The following DLG2 variants were observed in gnomAD, a reference collection of about 807,000 sequenced individuals.
DLG2 encodes disks large homolog 2.
In DLG2, 45 loss-of-function variants were observed where a neutral mutation model predicts 132.5. The observed-to-expected ratio is 0.34, with a 90% CI of 0.27 to 0.44. The LOEUF is 0.44. DLG2 is among the 20% of genes least tolerant of loss of function. The pLI, the probability that DLG2 is intolerant of heterozygous loss-of-function variation, is 1.00. For missense variants in DLG2, 1,045 were observed against 1,196.9 expected (o/e 0.87, Z 1.87); for synonymous variants, 424 against 419.6 (o/e 1.01, Z -0.13).
chr11:84,818,726 T>A (rs1361180547), intron 6 of DLG2, among the ~76,000 whole-genome samples: 1 of 151,922 alleles, frequency 6.6e-6, no homozygotes, highest in Non-Finnish European at 1.5e-5. Flanking sequence ...TCACTGTGTA[T>A]TTTAATCCTA....
intron 14 of DLG2, among the ~76,000 whole-genome samples, chr11:83,961,651 T>G (rs896962203): frequency 6.6e-6 from 1 of 151,996 alleles, no homozygotes; most frequent in Non-Finnish European, 1.5e-5. Context: ...TAATTCGCTA[T>G]GGGGCCTAGT....
chr11:84,918,944 T>A (rs1291924045), intron 6 of DLG2, among the ~76,000 whole-genome samples: 1 of 152,180 alleles, frequency 6.6e-6, no homozygotes, highest in Non-Finnish European at 1.5e-5. Context: ...TTGTTCTTTG[T>A]GCTGATGATA....
chr11:85,349,869 C>T lies in DLG2; in HGVS notation c.41-64504G>A, dbSNP rs984115601. Among the ~76,000 whole-genome samples, 6 of 152,280 alleles carry T rather than the reference C, an allele frequency of 3.9e-5. 1 individual carries two copies. The highest frequency in any genetic ancestry group is 1.4e-4 in the African/African-American group (6 of 41,512). On this transcript the variant is annotated intron_variant, in intron 3 of 27. Coordinates refer to ENST00000376104, the MANE Select transcript of DLG2 (RefSeq NM_001142699.3). ...CTAGTGTGAATAGTGCTGCAGTAAA[C>T]ATACGTGTGCACGTGTCTTTATAGT...
intron 5 of DLG2, among the ~76,000 whole-genome samples, chr11:85,133,925 CT>C (rs767699211): frequency 2.0e-5 from 3 of 151,984 alleles, no homozygotes; most frequent in South Asian, 2.1e-4. Flanking sequence ...TAATAATATA[CT>C]TTTTTTTCCC....
intron 7 of DLG2, among the ~76,000 whole-genome samples, chr11:84,375,843 A>C (rs1276866087): frequency 6.6e-6 from 1 of 152,058 alleles, no homozygotes; most frequent in Admixed American, 6.6e-5. Flanking sequence ...TTGTAAGCAG[A>C]ATATGCCTTC....
chr11:84,569,896 C>T (rs1592599059), intron 6 of DLG2, among the ~76,000 whole-genome samples: 2 of 152,248 alleles, frequency 1.3e-5, no homozygotes, highest in South Asian at 4.1e-4. Context: ...AAATGAACAT[C>T]CACTTTACTT....
intron 18 of DLG2, among the ~76,000 whole-genome samples, chr11:83,781,865 C>T (rs1346469439): frequency 6.6e-6 from 1 of 152,170 alleles, no homozygotes; most frequent in East Asian, 1.9e-4. Flanking sequence ...GCAGCAAATA[C>T]AGATCAGATT....
At chr11:84,923,963 G>A (rs2092881318) in intron 6 of DLG2, among the ~76,000 whole-genome samples, 1 of 152,054 alleles carries the variant, frequency 6.6e-6, no homozygotes, top group African/African-American at 2.4e-5. Flanking sequence ...GGGTTGAAAT[G>A]GAGACAGAAG....
chr11:85,535,106 A>T (rs2075490771), intron 3 of DLG2, among the ~76,000 whole-genome samples: 1 of 152,028 alleles, frequency 6.6e-6, no homozygotes, highest in Non-Finnish European at 1.5e-5. Context: ...CTTGCTTTTG[A>T]GTAGAGGTTA....
chr11:83,990,626 T>C (rs1409588803), intron 11 of DLG2, among the ~76,000 whole-genome samples: 1 of 152,162 alleles, frequency 6.6e-6, no homozygotes, highest in African/African-American at 2.4e-5. Flanking sequence ...AAGTTATGAT[T>C]ACAATGTACC....
Position 83,555,219 on chromosome 11 carries a change from A to T in DLG2, c.1941-13361T>A, listed in dbSNP as rs1001878326. On this transcript the variant is annotated intron_variant, in intron 19 of 27. Coordinates refer to ENST00000376104, the MANE Select transcript of DLG2 (RefSeq NM_001142699.3). ...ACCTGAAAGAAGATCAATGTCTGGG[A>T]TAGTCTAAGATGAGACCAGAGGGAA... Among the ~76,000 whole-genome samples the T allele has an allele frequency of 4.6e-5, 7 of 152,386 alleles. No individual in the cohort carries two copies. In the South Asian group the frequency reaches 1.4e-3, roughly 32 times the overall value.
At chr11:83,516,810 C>T (rs553706257) in intron 21 of DLG2, among the ~76,000 whole-genome samples, 1 of 152,262 alleles carries the variant, frequency 6.6e-6, no homozygotes, top group South Asian at 2.1e-4. Flanking sequence ...ATATGAAATT[C>T]TGGGTTGAAA....
chr11:85,408,148 T>C (rs1427699491), intron 3 of DLG2, among the ~76,000 whole-genome samples: 1 of 149,792 alleles, frequency 6.7e-6, no homozygotes, highest in African/African-American at 2.4e-5. Flanking sequence ...ATTTATTATT[T>C]ATAAAATAAG....
At chr11:85,523,716 A>G (rs573874415) in intron 3 of DLG2, among the ~76,000 whole-genome samples, 1 of 152,326 alleles carries the variant, frequency 6.6e-6, no homozygotes, top group East Asian at 1.9e-4. Flanking sequence ...CAATCCAGAC[A>G]TCCCACTGCT....
intron 6 of DLG2, among the ~76,000 whole-genome samples, chr11:84,780,100 C>T (rs908540125): frequency 6.6e-6 from 1 of 151,948 alleles, no homozygotes; most frequent in Non-Finnish European, 1.5e-5. Context: ...AATTATAAAC[C>T]AATTTTCCTA....
intron 7 of DLG2, among the ~76,000 whole-genome samples, chr11:84,323,036 T>C (rs935515976): frequency 2.6e-5 from 4 of 152,204 alleles, no homozygotes; most frequent in African/African-American, 9.6e-5. Context: ...TAGTTTTTTT[T>C]TTAAGTTGTG....
intron 6 of DLG2, among the ~76,000 whole-genome samples, chr11:84,933,622 A>C (rs1262667292): frequency 6.6e-6 from 1 of 152,148 alleles, no homozygotes; most frequent in Non-Finnish European, 1.5e-5. Flanking sequence ...TTTTGGTGGC[A>C]GTTGTGAATG....
At chr11:85,280,457 G>T (rs2078156959) in intron 4 of DLG2, among the ~76,000 whole-genome samples, 1 of 152,056 alleles carries the variant, frequency 6.6e-6, no homozygotes, top group Admixed American at 6.6e-5. Context: ...GATTACTCTT[G>T]ATTGTTCTGC....
At chr11:85,021,245 T>TAGG (rs779437929) in intron 6 of DLG2, 334 of 1,281,508 alleles carry the variant, frequency 2.6e-4, no homozygotes, top group Non-Finnish European at 3.3e-4. Context: ...GCCCGAGCAA[T>TAGG]AGGAGGAGGA....
Sources: gnomAD v4.1 joint callset for allele counts (sites outside exome capture counted in the v4.1 genomes callset) on GRCh38, gnomAD v4.1.1 for gene constraint, MANE v1.5 for transcripts, NCBI Gene and HGNC (gene_info 2026-07-23, HGNC 2026-07-21) for gene names.